The following ZMIZ1 variants were observed in gnomAD, a reference collection of about 807,000 sequenced individuals.
ZMIZ1 encodes zinc finger MIZ domain-containing protein 1.
In ZMIZ1, 17 loss-of-function variants were observed where a neutral mutation model predicts 113.9. That is an observed-to-expected ratio of 0.15 (90% CI 0.10 to 0.22). The LOEUF is 0.22. Ranked by LOEUF, ZMIZ1 falls within the 10% of genes least tolerant of loss-of-function variation. The pLI, the probability that ZMIZ1 is intolerant of heterozygous loss-of-function variation, is 1.00. For synonymous variants in ZMIZ1, 607 were observed against 603.1 expected, an observed-to-expected ratio of 1.01 and a Z score of -0.09; for missense variants, 1,059 against 1,477.8, an observed-to-expected ratio of 0.72 and a Z score of 4.65.
At position 79,284,133 on chromosome 10, in the gene ZMIZ1, C is replaced by A. The variant is rs368524328; in HGVS notation, c.426-5642C>A. ...GCTGCCATAGCGGGTGCACAGGAGCCAGGAATCATCACTGCCTTATCCCAG... is the reference window on the plus strand; with the variant it reads ...GCTGCCATAGCGGGTGCACAGGAGCAAGGAATCATCACTGCCTTATCCCAG... On this transcript the variant is annotated intron_variant, in intron 8 of 24. Transcript: ENST00000334512. Among the ~76,000 whole-genome samples the A allele has an allele frequency of 3.9e-4, 59 of 151,990 alleles. 1 individual carries two copies. Among genetic ancestry groups the A allele is most frequent in the African/African-American group, 1.4e-3 (58 of 41,428 alleles).
chr10:79,293,283 T>A, intron 11 of ZMIZ1, 98 bp from the exon 12 acceptor site: 4 of 1,378,232 alleles, frequency 2.9e-6, no homozygotes, highest in South Asian at 1.5e-5. Context: ...TCCCCACTCC[T>A]CCACCTCCCC....
At position 79,215,905 on chromosome 10, in the gene ZMIZ1, G is replaced by A. The variant is rs769026513; in HGVS notation, c.175-264G>A. 5.4e-4 allele frequency among the ~76,000 whole-genome samples: 82 copies of A among 152,142 alleles called. 1 individual carries two copies. Among genetic ancestry groups the A allele is most frequent in the Non-Finnish European group, 1.0e-3 (68 of 68,016 alleles). On this transcript the variant is annotated intron_variant, in intron 6 of 24. Transcript: ENST00000334512. ...TGGTCGAATCTGAGCCCTTGGAAGC[G>A]GCGGGGCCTATGGCTTTGGTGTTGG...
At chr10:79,144,476 A>G (rs1406853572) in intron 3 of ZMIZ1, among the ~76,000 whole-genome samples, 1 of 152,194 alleles carries the variant, frequency 6.6e-6, no homozygotes, top group East Asian at 1.9e-4. Context: ...AGTCAAGGAC[A>G]GCACTGGCAC....
intron 4 of ZMIZ1, among the ~76,000 whole-genome samples, chr10:79,182,419 C>T (rs916804323): frequency 1.3e-5 from 2 of 152,026 alleles, no homozygotes; most frequent in Non-Finnish European, 2.9e-5. Flanking sequence ...GCCTGCTTCT[C>T]GAGAGAGCTC....
chr10:79,120,698 C>T (rs905579668), intron 2 of ZMIZ1, among the ~76,000 whole-genome samples: 1 of 151,328 alleles, frequency 6.6e-6, no homozygotes, highest in South Asian at 2.1e-4. Context: ...TTTGGGCACT[C>T]TGCAGGGCTT....
intron 12 of ZMIZ1, chr10:79,294,950 G>GTT (rs1554830319): frequency 7.0e-6 from 1 of 143,530 alleles, no homozygotes; most frequent in Non-Finnish European, 1.5e-5. Flanking sequence ...AGAGGGGGGG[G>GTT]GGTCAGGGGC....
intron 4 of ZMIZ1, among the ~76,000 whole-genome samples, chr10:79,169,030 G>A (rs1846491011): frequency 6.6e-6 from 1 of 152,184 alleles, no homozygotes; most frequent in South Asian, 2.1e-4. Context: ...CGGCTGTTCT[G>A]GGACCGTCTA....
chr10:79,138,284 A>G (rs1845105354), intron 2 of ZMIZ1, among the ~76,000 whole-genome samples: 2 of 152,206 alleles, frequency 1.3e-5, no homozygotes, highest in South Asian at 4.1e-4. Flanking sequence ...TGTAGGGCTC[A>G]GGGGAATGTT....
intron 4 of ZMIZ1, among the ~76,000 whole-genome samples, chr10:79,168,488 C>T (rs1419933325): frequency 6.6e-6 from 1 of 152,204 alleles, no homozygotes; most frequent in Non-Finnish European, 1.5e-5. Context: ...GAACCATGTC[C>T]CCAGCACAGT....
intron 1 of ZMIZ1, among the ~76,000 whole-genome samples, chr10:79,089,779 C>T (rs923255771): frequency 6.6e-6 from 1 of 152,156 alleles, no homozygotes; most frequent in Non-Finnish European, 1.5e-5. Flanking sequence ...TCCCACTCCC[C>T]AGACCCCCAC....
At position 79,290,955 on chromosome 10, in the gene ZMIZ1, A is replaced by T. The variant is rs756442103; in HGVS notation, c.541-4A>T. The T allele has an allele frequency of 1.1e-5, 17 of 1,612,538 alleles. No individual in the cohort carries two copies. The South Asian group carries it at 1.8e-4, about 17-fold the overall frequency. ...TTAGGTGACAACCACTTCTCTGCCC[A>T]CAGGTCCTTGGGAACCCTATGGCCA... On this transcript the variant is annotated splice_region_variant and splice_polypyrimidine_tract_variant and intron_variant, in intron 9 of 24. Transcript: ENST00000334512.
chr10:79,227,671 G>A lies in ZMIZ1; in HGVS notation c.280+11397G>A, dbSNP rs552587607. On this transcript the variant is annotated intron_variant, in intron 7 of 24. Transcript: ENST00000334512. The stretch of plus-strand genomic sequence containing the variant: ...TTTATTCCAGCCTGTTGGCATTCAT[G>A]CTCTCTGAAATGCCTCTCATACCTG... Among the ~76,000 whole-genome samples, 8 of 152,320 alleles carry A rather than the reference G, an allele frequency of 5.3e-5. No homozygotes were observed. The South Asian group carries it at 8.3e-4, about 16-fold the overall frequency.
chr10:79,182,340 T>G (rs1221216920), intron 4 of ZMIZ1, among the ~76,000 whole-genome samples: 2 of 152,114 alleles, frequency 1.3e-5, no homozygotes, highest in African/African-American at 4.8e-5. Context: ...ACCCACCTCC[T>G]TCTTGCCCAC....
At chr10:79,302,908 C>A (rs1378121089) in intron 18 of ZMIZ1, among the ~76,000 whole-genome samples, 1 of 144,454 alleles carries the variant, frequency 6.9e-6, no homozygotes, top group Non-Finnish European at 1.5e-5. Flanking sequence ...GTCGTCCAGG[C>A]TGGAGTGCAG....
At position 79,300,719 on chromosome 10, in the gene ZMIZ1, G is replaced by T. The variant is rs757428261; in HGVS notation, c.1809-13G>T. ...TGGCAGAGCTGCCCTGAGCACCCTC[G>T]TTCCCCACCTAGGTCTGACCTGGAG... On this transcript the variant is annotated splice_polypyrimidine_tract_variant and intron_variant, in intron 16 of 24. Coordinates refer to ENST00000334512, the MANE Select transcript of ZMIZ1 (RefSeq NM_020338.4). 4 of 1,611,874 alleles carry T rather than the reference G, an allele frequency of 2.5e-6. No individual in the cohort carries two copies. In the South Asian group the frequency reaches 4.4e-5, roughly 18 times the overall value.
intron 7 of ZMIZ1, among the ~76,000 whole-genome samples, chr10:79,245,755 C>A (rs755302787): frequency 7.9e-5 from 12 of 152,178 alleles, no homozygotes; most frequent in Non-Finnish European, 1.5e-4. Flanking sequence ...TGACGCCATT[C>A]AGTACAGTAG....
chr10:79,256,391 G>A (rs1850906433), intron 7 of ZMIZ1, among the ~76,000 whole-genome samples: 1 of 152,062 alleles, frequency 6.6e-6, no homozygotes, highest in Non-Finnish European at 1.5e-5. Context: ...AGCCCTCGGT[G>A]GACTCTGGCC....
chr10:79,092,252 C>T (rs1392371196), intron 1 of ZMIZ1, among the ~76,000 whole-genome samples: 1 of 152,224 alleles, frequency 6.6e-6, no homozygotes, highest in Non-Finnish European at 1.5e-5. Context: ...TGTGAACTGA[C>T]ATTGCCTGTT....
At chr10:79,263,660 G>C (rs1327733537) in intron 7 of ZMIZ1, among the ~76,000 whole-genome samples, 1 of 152,178 alleles carries the variant, frequency 6.6e-6, no homozygotes, top group Admixed American at 6.5e-5. Flanking sequence ...GAAGCCACTT[G>C]AGAGGTCCTG....
Sources: gnomAD v4.1 joint callset for allele counts (sites outside exome capture counted in the v4.1 genomes callset) on GRCh38, gnomAD v4.1.1 for gene constraint, MANE v1.5 for transcripts, NCBI Gene and HGNC (gene_info 2026-07-23, HGNC 2026-07-21) for gene names.